IQCJ: variants seen among roughly 807,000 people sequenced by gnomAD.
IQCJ encodes the protein IQ motif containing J, also known as IQ domain-containing protein J.
Under a neutral mutation model 11.0 loss-of-function variants are expected in IQCJ, and 9 were observed. The observed-to-expected ratio is 0.82, with a 90% CI of 0.49 to 1.43. IQCJ has a LOEUF of 1.43. Ranked by LOEUF, IQCJ falls within the 40% of genes most tolerant of loss-of-function variation. IQCJ has a pLI of 0.00. For missense variants in IQCJ, 146 were observed against 133.2 expected, an observed-to-expected ratio of 1.10 and a Z score of -0.47; for synonymous variants, 55 against 51.3, an observed-to-expected ratio of 1.07 and a Z score of -0.31.
chr3:159,176,665 A>T (rs530285870), intron 1 of IQCJ, among the ~76,000 whole-genome samples: 1 of 152,330 alleles, frequency 6.6e-6, no homozygotes, highest in South Asian at 2.1e-4. Context: ...ATTTTATTTG[A>T]CACAACATAT....
intron 3 of IQCJ, among the ~76,000 whole-genome samples, chr3:159,253,044 T>C (rs1727694895): frequency 6.6e-6 from 1 of 152,190 alleles, no homozygotes; most frequent in Non-Finnish European, 1.5e-5. Context: ...GGTTTTTCCA[T>C]TTCTTGTCTA....
chr3:159,263,576 A>T lies in IQCJ; in HGVS notation c.*845A>T, dbSNP rs1728338738. 1 of 985,086 alleles carries T rather than the reference A, an allele frequency of 1.0e-6. No individual in the cohort carries two copies. The highest frequency in any genetic ancestry group is 4.7e-5 in the South Asian group (1 of 21,284). The allele number at this position is 985,086 out of a possible 1,614,324, so 61.0% of individuals were successfully genotyped here. Reference sequence around the variant, plus strand: ...GCTGAAAAGTTAGAGAAATGAAGTAATTACACAAGTATATTACTTCCAAAA... The same window carrying T: ...GCTGAAAAGTTAGAGAAATGAAGTATTTACACAAGTATATTACTTCCAAAA... On this transcript the variant is annotated 3_prime_UTR_variant, in exon 4 of 4. Coordinates refer to ENST00000397832, the MANE Select transcript of IQCJ (RefSeq NM_001042706.3).
intron 1 of IQCJ, among the ~76,000 whole-genome samples, chr3:159,133,976 C>T (rs754091358): frequency 1.3e-5 from 2 of 151,544 alleles, no homozygotes; most frequent in African/African-American, 4.8e-5. Context: ...TCCAAAGGCT[C>T]GACTGAGGAA....
At chr3:159,155,540 T>TA (rs11461894) in intron 1 of IQCJ, among the ~76,000 whole-genome samples, 26,992 of 152,200 alleles carry the variant, frequency 0.18, 2,457 homozygotes, top group Middle Eastern at 0.21. Context: ...GACTATACAA[T>TA]ATGCTTCTAA....
chr3:159,148,870 C>A (rs536943653), intron 1 of IQCJ, among the ~76,000 whole-genome samples: 21 of 152,270 alleles, frequency 1.4e-4, no homozygotes, highest in African/African-American at 3.4e-4. Flanking sequence ...TGTGCCGCAT[C>A]CACTCCTTCA....
chr3:159,116,173 G>A (rs934993097), intron 1 of IQCJ, among the ~76,000 whole-genome samples: 3 of 152,118 alleles, frequency 2.0e-5, no homozygotes, highest in Non-Finnish European at 4.4e-5. Flanking sequence ...AGGTCAGGTT[G>A]TAGTAAGCCA....
chr3:159,263,478 A>C lies in IQCJ; in HGVS notation c.*747A>C. On this transcript the variant is annotated 3_prime_UTR_variant, in exon 4 of 4. Coordinates refer to ENST00000397832, the MANE Select transcript of IQCJ (RefSeq NM_001042706.3). The stretch of plus-strand genomic sequence containing the variant: ...AAAACACCAAAAGTGGGAAGAAATC[A>C]GTGATGAGGGATTTATGAACCAGGA... The C allele has an allele frequency of 1.0e-6, 1 of 984,078 alleles. No individual in the cohort carries two copies. The allele number at this position is 984,078 out of a possible 1,614,324, so 61.0% of individuals were successfully genotyped here. A position where few individuals can be genotyped will look rare whatever the true frequency, so the allele number is the denominator to read the frequency against.
intron 1 of IQCJ, among the ~76,000 whole-genome samples, chr3:159,111,898 T>C (rs1449641166): frequency 1.3e-5 from 2 of 152,238 alleles, no homozygotes; most frequent in East Asian, 3.8e-4. Flanking sequence ...TTTACATTTA[T>C]ACATACTTAA....
chr3:159,155,307 G>A (rs369402913), intron 1 of IQCJ, among the ~76,000 whole-genome samples: 9 of 150,580 alleles, frequency 6.0e-5, no homozygotes, highest in African/African-American at 2.2e-4. Context: ...ACAGGCACAC[G>A]CCATCACACC....
At chr3:159,116,182 C>T (rs1385780579) in intron 1 of IQCJ, among the ~76,000 whole-genome samples, 1 of 151,898 alleles carries the variant, frequency 6.6e-6, no homozygotes, top group Non-Finnish European at 1.5e-5. Flanking sequence ...TGTAGTAAGC[C>T]ATGTTAGTGC....
intron 3 of IQCJ, among the ~76,000 whole-genome samples, chr3:159,255,038 T>C (rs190620871): frequency 8.5e-5 from 13 of 152,334 alleles, no homozygotes; most frequent in African/African-American, 2.9e-4. Flanking sequence ...TCTTGGGATA[T>C]TCTCATTCCT....
intron 1 of IQCJ, among the ~76,000 whole-genome samples, chr3:159,193,770 A>G (rs2108046946): frequency 6.6e-6 from 1 of 152,292 alleles, no homozygotes; most frequent in South Asian, 2.1e-4. Context: ...CATATGGAGG[A>G]TCACTGGTCC....
intron 1 of IQCJ, among the ~76,000 whole-genome samples, chr3:159,180,689 T>C (rs1266157629): frequency 2.0e-5 from 3 of 152,008 alleles, no homozygotes; most frequent in African/African-American, 7.3e-5. Context: ...TTATACTATG[T>C]TTTAACTTTT....
rs375182933 is a variant in IQCJ, at chr3:159,176,116, A to T, written c.10-69727A>T. ...AAGTTTCTTTTCAAATCTTTTGTCC[A>T]TGTTTAACCAAACTGCTTGTTTTCT... On this transcript the variant is annotated intron_variant, in intron 1 of 3. Coordinates refer to ENST00000397832, the MANE Select transcript of IQCJ (RefSeq NM_001042706.3). 2.7e-4 allele frequency among the ~76,000 whole-genome samples: 41 copies of T among 152,266 alleles called. No individual in the cohort carries two copies. In the South Asian group the frequency reaches 7.9e-3, roughly 29 times the overall value.
chr3:159,193,784 T>A (rs1379377044), intron 1 of IQCJ, among the ~76,000 whole-genome samples: 5 of 152,210 alleles, frequency 3.3e-5, no homozygotes, highest in Non-Finnish European at 7.3e-5. Flanking sequence ...CTGGTCCTTT[T>A]CACTGGCAGG....
At position 159,163,844 on chromosome 3, in the gene IQCJ, T is replaced by G. The variant is rs1024757146; in HGVS notation, c.10-81999T>G. Reference sequence around the variant, plus strand: ...GAAGTCTGGCTTCAAAGCCCACACCTGAACACTGCATACACTACGCTTGAG... The same window carrying G: ...GAAGTCTGGCTTCAAAGCCCACACCGGAACACTGCATACACTACGCTTGAG... On this transcript the variant is annotated intron_variant, in intron 1 of 3. Transcript: ENST00000397832. Among the ~76,000 whole-genome samples, 5 of 152,200 alleles carry G rather than the reference T, an allele frequency of 3.3e-5. No homozygotes were observed. The East Asian group carries it at 7.7e-4, about 23-fold the overall frequency.
chr3:159,072,482 T>A (rs1430704113), intron 1 of IQCJ, among the ~76,000 whole-genome samples: 2 of 151,756 alleles, frequency 1.3e-5, no homozygotes, highest in South Asian at 2.1e-4. Flanking sequence ...AAATCAAATT[T>A]AAAAAAAATT....
chr3:159,212,701 C>A (rs535492146), intron 1 of IQCJ, among the ~76,000 whole-genome samples: 13 of 152,032 alleles, frequency 8.6e-5, no homozygotes, highest in African/African-American at 2.9e-4. Context: ...AGTATGTGCT[C>A]GATAAATATG....
At chr3:159,201,617 G>A (rs866604711) in intron 1 of IQCJ, among the ~76,000 whole-genome samples, 47 of 133,242 alleles carry the variant, frequency 3.5e-4, no homozygotes, top group African/African-American at 1.3e-3. Flanking sequence ...CAAAACTGTT[G>A]ATAATGATTC....
Sources: gnomAD v4.1 joint callset for allele counts (sites outside exome capture counted in the v4.1 genomes callset) on GRCh38, gnomAD v4.1.1 for gene constraint, MANE v1.5 for transcripts, NCBI Gene and HGNC (gene_info 2026-07-23, HGNC 2026-07-21) for gene names.